The following HADH variants were observed in gnomAD, a reference collection of about 807,000 sequenced individuals.
HADH encodes the protein hydroxyacyl-CoA dehydrogenase.
Under a neutral mutation model 32.2 loss-of-function variants are expected in HADH, and 24 were observed. That is an observed-to-expected ratio of 0.75 (90% confidence interval 0.54 to 1.05). HADH has a LOEUF of 1.05. Ranked by LOEUF, HADH falls within the 50% of genes least tolerant of loss-of-function variation. HADH has a pLI of 0.00. For missense variants in HADH, 350 were observed against 397.1 expected, an observed-to-expected ratio of 0.88 and a Z score of 1.01; for synonymous variants, 139 against 152.5, an observed-to-expected ratio of 0.91 and a Z score of 0.65.
chr4:107,989,921 C>A lies in HADH; in HGVS notation c.-12C>A, dbSNP rs774784972. ...GCCCGGGTCTCCTCGCTGTCGCCGC[C>A]GCTGCCACACCATGGCCTTCGTCAC... On this transcript the variant is annotated 5_prime_UTR_variant, in exon 1 of 8. Transcript: ENST00000309522. 2 of 1,611,322 alleles carry A rather than the reference C, an allele frequency of 1.2e-6. No homozygotes were observed. The highest frequency in any genetic ancestry group is 3.3e-5 in the Admixed American group (2 of 59,922).
At chr4:108,020,935 A>G (rs1735866459) in intron 4 of HADH, among the ~76,000 whole-genome samples, 1 of 152,176 alleles carries the variant, frequency 6.6e-6, no homozygotes, top group Admixed American at 6.5e-5. Context: ...CATTTTTAAT[A>G]AGTCATAATA....
chr4:108,017,584 C>A (rs1036704885), intron 3 of HADH, among the ~76,000 whole-genome samples: 3 of 149,724 alleles, frequency 2.0e-5, no homozygotes, highest in Non-Finnish European at 3.0e-5. Context: ...GACGGAGTCT[C>A]GCTCTGTCGC....
At chr4:108,025,636 C>T (rs1218221453) in intron 5 of HADH, 1 of 152,168 alleles carries the variant, frequency 6.6e-6, no homozygotes, top group Non-Finnish European at 1.5e-5. Flanking sequence ...CGCCTATAAT[C>T]CCAGCACTTC....
intron 1 of HADH, among the ~76,000 whole-genome samples, chr4:107,992,437 A>C (rs1388038037): frequency 6.6e-6 from 1 of 152,242 alleles, no homozygotes; most frequent in Non-Finnish European, 1.5e-5. Context: ...TGTAGCATGC[A>C]GTTCTAGGCA....
intron 1 of HADH, among the ~76,000 whole-genome samples, chr4:108,000,704 T>G (rs1250349461): frequency 6.6e-6 from 1 of 152,158 alleles, no homozygotes; most frequent in Non-Finnish European, 1.5e-5. Context: ...TGTTAGATTA[T>G]GAAGGGTAAG....
At chr4:108,010,039 TATA>T in intron 2 of HADH, 152 bp downstream of exon 2, 1 of 636,166 alleles carries the variant, frequency 1.6e-6, no homozygotes, top group Non-Finnish European at 2.8e-6. Context: ...TTTAAACCAA[TATA>T]ATAACATAAT....
chr4:108,022,728 G>A (rs186089578), intron 4 of HADH, among the ~76,000 whole-genome samples: 128 of 152,274 alleles, frequency 8.4e-4, no homozygotes, highest in Non-Finnish European at 1.6e-3. Flanking sequence ...ATGGAAGTCA[G>A]CATTTATTGA....
At chr4:108,023,861 T>G (rs188665762) in intron 5 of HADH, 1 of 331,550 alleles carries the variant, frequency 3.0e-6, no homozygotes, top group East Asian at 5.7e-5. Flanking sequence ...TGTCTCCTGA[T>G]GAATGGCTGC....
chr4:108,012,648 C>G (rs1344950010), intron 2 of HADH, among the ~76,000 whole-genome samples: 3 of 152,218 alleles, frequency 2.0e-5, no homozygotes, highest in African/African-American at 7.2e-5. Context: ...AAGGTAAAAA[C>G]ACCTCTAAAT....
At position 108,016,946 on chromosome 4, in the gene HADH, A is replaced by G. The variant is rs1309658033; in HGVS notation, c.419+2358A>G. Among the ~76,000 whole-genome samples the G allele has an allele frequency of 3.9e-5, 6 of 152,222 alleles. No individual in the cohort carries two copies. The East Asian group carries it at 1.2e-3, about 29-fold the overall frequency. On this transcript the variant is annotated intron_variant, in intron 3 of 7. Coordinates refer to ENST00000309522, the MANE Select transcript of HADH (RefSeq NM_005327.7). The stretch of plus-strand genomic sequence containing the variant: ...GTGCCTGCTGTGTATCAGGCACTAC[A>G]CTAGGCTCTTTAACCTGAATTGATG...
intron 3 of HADH, among the ~76,000 whole-genome samples, chr4:108,015,972 G>A (rs561628827): frequency 6.6e-6 from 1 of 152,210 alleles, no homozygotes; most frequent in Admixed American, 6.5e-5. Flanking sequence ...TTTGGATGGA[G>A]CAAACAGAAT....
At chr4:108,024,790 G>A (rs774844531) in intron 5 of HADH, 1 of 152,246 alleles carries the variant, frequency 6.6e-6, no homozygotes, top group Non-Finnish European at 1.5e-5. Context: ...ACAGGGAAAA[G>A]CTAATGATTA....
chr4:108,022,913 A>G (rs766123157), intron 4 of HADH, among the ~76,000 whole-genome samples: 1 of 152,102 alleles, frequency 6.6e-6, no homozygotes, highest in Non-Finnish European at 1.5e-5. Context: ...CAAAGCCTGT[A>G]AAACTGTCCT....
intron 3 of HADH, 23 bp from the exon 4 acceptor site, chr4:108,019,517 C>G: frequency 1.2e-6 from 2 of 1,608,698 alleles, no homozygotes; most frequent in Non-Finnish European, 1.7e-6. Flanking sequence ...CTCTGATACT[C>G]CCACTATATT....
At chr4:108,031,785 G>A (rs1736272472) in intron 6 of HADH, 1 of 152,228 alleles carries the variant, frequency 6.6e-6, no homozygotes, top group South Asian at 2.1e-4. Context: ...TTGAGTGCTT[G>A]TCTGGTTTAT....
intron 1 of HADH, among the ~76,000 whole-genome samples, chr4:108,000,724 A>G (rs1032787323): frequency 6.6e-6 from 1 of 152,230 alleles, no homozygotes; most frequent in Non-Finnish European, 1.5e-5. Context: ...GTTGAAGTCC[A>G]TGAAGCAGCA....
chr4:108,010,849 CT>C (rs1199994737), intron 2 of HADH, among the ~76,000 whole-genome samples: 10,114 of 124,738 alleles, frequency 0.081, 292 homozygotes, highest in African/African-American at 0.13. Context: ...CAACTTCATT[CT>C]TTTTTTTTTT....
chr4:108,000,333 G>T (rs995912457), intron 1 of HADH, among the ~76,000 whole-genome samples: 1 of 152,196 alleles, frequency 6.6e-6, no homozygotes, highest in Non-Finnish European at 1.5e-5. Flanking sequence ...GAAAAGGTTG[G>T]TATGGTTAGC....
chr4:108,010,731 G>A (rs909362130), intron 2 of HADH, among the ~76,000 whole-genome samples: 5 of 151,748 alleles, frequency 3.3e-5, no homozygotes, highest in Middle Eastern at 3.2e-3. Flanking sequence ...AATTACACTC[G>A]CACATTCATA....
Sources: gnomAD v4.1 joint callset for allele counts (sites outside exome capture counted in the v4.1 genomes callset) on GRCh38, gnomAD v4.1.1 for gene constraint, MANE v1.5 for transcripts, NCBI Gene and HGNC (gene_info 2026-07-23, HGNC 2026-07-21) for gene names.